The following RNF6 variants were observed in gnomAD, a reference collection of about 807,000 sequenced individuals.
The protein encoded by RNF6 is ring finger protein 6.
Under a neutral mutation model 50.1 loss-of-function variants are expected in RNF6, and 21 were observed. The observed-to-expected ratio is 0.42, with a 90% CI of 0.30 to 0.60. RNF6 has a LOEUF of 0.60. Among genes scored for constraint, RNF6 ranks in the 20% least tolerant of loss-of-function variants. The probability of loss-of-function intolerance (pLI) is 0.20; values close to 1 mark genes in which losing one functional copy is unlikely to be tolerated. For missense variants in RNF6, 698 were observed against 838.2 expected (o/e 0.83, Z 2.07); for synonymous variants, 255 against 291.8 (o/e 0.87, Z 1.29).
At chr13:26,163,043 G>C (rs1190834840) in intron 5 of RNF6, among the ~76,000 whole-genome samples, 1 of 152,102 alleles carries the variant, frequency 6.6e-6, no homozygotes, top group African/African-American at 2.4e-5. Context: ...GGGCGCGGTG[G>C]CTCATGCCTG....
intron 5 of RNF6, among the ~76,000 whole-genome samples, chr13:26,168,158 C>T (rs1406709195): frequency 1.3e-5 from 2 of 152,136 alleles, no homozygotes; most frequent in Non-Finnish European, 2.9e-5. Context: ...ACAAGAGTTT[C>T]CCTATGTAAC....
At chr13:26,141,357 G>A (rs1870938105) in intron 5 of RNF6, among the ~76,000 whole-genome samples, 1 of 151,242 alleles carries the variant, frequency 6.6e-6, no homozygotes, top group Non-Finnish European at 1.5e-5. Context: ...GAACCTGGGA[G>A]GTGGAGATTG....
At chr13:26,135,848 G>T (rs1223843993) in intron 5 of RNF6, among the ~76,000 whole-genome samples, 1 of 152,042 alleles carries the variant, frequency 6.6e-6, no homozygotes, top group African/African-American at 2.4e-5. Context: ...TTCGTTGCAA[G>T]ATCTGGTTGT....
intron 4 of RNF6, among the ~76,000 whole-genome samples, chr13:26,218,003 A>G (rs1451159525): frequency 6.6e-6 from 1 of 152,254 alleles, no homozygotes; most frequent in African/African-American, 2.4e-5. Context: ...GGAGGGAAGT[A>G]GAACTGGTTA....
intron 5 of RNF6, among the ~76,000 whole-genome samples, chr13:26,133,878 T>C (rs560751754): frequency 6.6e-6 from 1 of 152,350 alleles, no homozygotes; most frequent in African/African-American, 2.4e-5. Context: ...GTTTAAGATC[T>C]TCCTGGTTTT....
intron 5 of RNF6, among the ~76,000 whole-genome samples, chr13:26,137,109 T>A (rs892363090): frequency 3.3e-5 from 5 of 152,146 alleles, no homozygotes; most frequent in African/African-American, 1.2e-4. Context: ...CTGGATCTGT[T>A]TGATGGTTCT....
chr13:26,217,039 A>T (rs1267256872), intron 4 of RNF6, among the ~76,000 whole-genome samples: 5 of 152,194 alleles, frequency 3.3e-5, no homozygotes, highest in African/African-American at 1.2e-4. Context: ...CTCTCGTAAG[A>T]CTTTTTTAAA....
intron 5 of RNF6, among the ~76,000 whole-genome samples, chr13:26,204,063 G>A (rs1025173560): frequency 9.9e-5 from 15 of 152,120 alleles, no homozygotes; most frequent in Non-Finnish European, 2.2e-4. Flanking sequence ...AATGCAGCCT[G>A]GAGGTTCTCC....
intron 5 of RNF6, among the ~76,000 whole-genome samples, chr13:26,160,539 TTC>T (rs777324760): frequency 2.8e-5 from 3 of 105,546 alleles, no homozygotes; most frequent in African/African-American, 1.1e-4. Flanking sequence ...TCTTCTCTTC[TTC>T]TTCTTTTTTT....
intron 5 of RNF6, among the ~76,000 whole-genome samples, chr13:26,175,200 C>G (rs371383426): frequency 6.6e-6 from 1 of 152,116 alleles, no homozygotes; most frequent in Non-Finnish European, 1.5e-5. Context: ...CTTGCCTCAG[C>G]CCCCCGAGTA....
chr13:26,206,085 G>A (rs1203191633), intron 5 of RNF6, among the ~76,000 whole-genome samples: 1 of 152,180 alleles, frequency 6.6e-6, no homozygotes, highest in African/African-American at 2.4e-5. Context: ...GGGTTAACCT[G>A]CTCTACCATG....
intron 5 of RNF6, among the ~76,000 whole-genome samples, chr13:26,173,829 T>A (rs112128789): frequency 4.0e-5 from 6 of 151,488 alleles, no homozygotes; most frequent in African/African-American, 1.2e-4. Context: ...TGTATGCCTG[T>A]AATCCTAGCT....
At chr13:26,185,510 G>T (rs540601590) in intron 5 of RNF6, among the ~76,000 whole-genome samples, 2 of 152,124 alleles carry the variant, frequency 1.3e-5, no homozygotes, top group South Asian at 4.2e-4. Flanking sequence ...ACTTTGGGAG[G>T]CCGAGGTGGG....
intron 5 of RNF6, among the ~76,000 whole-genome samples, chr13:26,143,656 G>C (rs909008847): frequency 6.6e-6 from 1 of 152,174 alleles, no homozygotes; most frequent in Non-Finnish European, 1.5e-5. Context: ...TGCTGATGCA[G>C]AGAATGTACA....
At chr13:26,135,573 T>C (rs1001720152) in intron 5 of RNF6, 4 of 152,242 alleles carry the variant, frequency 2.6e-5, no homozygotes, top group Admixed American at 2.0e-4. Flanking sequence ...TGTTGCTATA[T>C]AACACATCAA....
At chr13:26,141,771 A>G (rs1212159944) in intron 5 of RNF6, among the ~76,000 whole-genome samples, 1 of 152,164 alleles carries the variant, frequency 6.6e-6, no homozygotes. Flanking sequence ...CTGAAACTAT[A>G]AAAATTCTAA....
intron 5 of RNF6, among the ~76,000 whole-genome samples, chr13:26,184,748 C>A (rs1289465711): frequency 1.3e-5 from 2 of 152,116 alleles, no homozygotes; most frequent in Non-Finnish European, 2.9e-5. Flanking sequence ...TAAAACAATG[C>A]CTCACCTTAC....
intron 5 of RNF6, among the ~76,000 whole-genome samples, chr13:26,139,777 T>C (rs991008445): frequency 6.6e-6 from 1 of 152,222 alleles, no homozygotes; most frequent in East Asian, 1.9e-4. Flanking sequence ...TCCTTGCATA[T>C]GTTTACTCTT....
chr13:26,220,953 T>A (rs545565502), intron 2 of RNF6, among the ~76,000 whole-genome samples: 9 of 152,338 alleles, frequency 5.9e-5, no homozygotes, highest in African/African-American at 2.2e-4. Flanking sequence ...ATTCAAGGAT[T>A]TTTTTCACTG....
Sources: allele counts gnomAD v4.1 joint callset (sites outside exome capture counted in the v4.1 genomes callset), GRCh38; gene constraint gnomAD v4.1.1; transcripts MANE v1.5; gene names NCBI Gene and HGNC (gene_info 2026-07-23, HGNC 2026-07-21).